Variants in CCDC191 observed in about 807,000 individuals in gnomAD.
CCDC191 encodes coiled-coil domain containing 191, also known as coiled-coil domain-containing protein 191.
A neutral mutation model predicts 114.0 loss-of-function variants in CCDC191; 99 were observed. The observed-to-expected ratio is 0.87, with a 90% CI of 0.74 to 1.03. CCDC191 has a LOEUF of 1.03. CCDC191 is among the 50% of genes least tolerant of loss of function. The pLI is 0.00. For missense variants in CCDC191, 973 were observed against 1,087.0 expected (o/e 0.90, Z 1.47); for synonymous variants, 351 against 376.0 (o/e 0.93, Z 0.77).
chr3:114,002,288 A>G (rs960528175), intron 12 of CCDC191, among the ~76,000 whole-genome samples, 168 bp downstream of exon 12: 10 of 152,056 alleles, frequency 6.6e-5, no homozygotes, highest in African/African-American at 2.4e-4. Context: ...TGTCCCCCTT[A>G]TTTTCCTAAA....
chr3:114,006,057 ACAAC>A, intron 9 of CCDC191, 95 bp from the exon 10 acceptor site: 4 of 1,111,880 alleles, frequency 3.6e-6, no homozygotes, highest in Non-Finnish European at 5.4e-6. Context: ...GTTTAATGGC[ACAAC>A]TGCCATGTAT....
chr3:114,011,002 C>T lies in CCDC191; in HGVS notation c.1183G>A (p.Glu395Lys), dbSNP rs773831557. 1 of 1,612,556 alleles carries T rather than the reference C, an allele frequency of 6.2e-7. No homozygotes were observed. The highest frequency in any genetic ancestry group is 8.5e-7 in the Non-Finnish European group (1 of 1,179,094). ...EENRKQQLATEYNRKQVLRHC... is the reference protein window; with the variant it reads ...EENRKQQLATKYNRKQVLRHC... ...CGGAGAACTTGTTTCCGGTTATACT[C>T]AGTGGCCAGTTGTTGTTTTCTAAGC... is the stretch of plus-strand genomic sequence containing the variant. The change falls in exon 9 of 17, where the codon GAG (glutamate) becomes AAG (lysine). Residue 395 changes from glutamate (E) to lysine (K), a missense_variant. Physicochemically the swap from Glu to Lys is moderately conservative, Grantham distance 56. Coordinates refer to ENST00000295878, the MANE Select transcript of CCDC191 (RefSeq NM_020817.2).
intron 4 of CCDC191, chr3:114,037,146 A>C (rs574532743): frequency 2.6e-5 from 4 of 153,692 alleles, no homozygotes; most frequent in African/African-American, 9.6e-5. Context: ...TTGTGGTATA[A>C]TTGACATATA....
At chr3:113,968,619 G>A (rs903565057) in intron 16 of CCDC191, among the ~76,000 whole-genome samples, 1 of 145,324 alleles carries the variant, frequency 6.9e-6, no homozygotes, top group Non-Finnish European at 1.5e-5. Flanking sequence ...CTGGCTAATA[G>A]TTTTTTGTTT....
At chr3:114,002,687 T>A in intron 11 of CCDC191, 149 bp from the exon 12 acceptor site, 1 of 1,276,976 alleles carries the variant, frequency 7.8e-7, no homozygotes, top group Non-Finnish European at 1.0e-6. Flanking sequence ...AGAAAATATA[T>A]AGAGATAAAC....
At chr3:114,036,198 A>T (rs1318443952) in intron 5 of CCDC191, among the ~76,000 whole-genome samples, 1 of 152,180 alleles carries the variant, frequency 6.6e-6, no homozygotes, top group Non-Finnish European at 1.5e-5. Flanking sequence ...TTATAATAAA[A>T]AAATGAGTGA....
At chr3:114,001,435 A>G (rs374852533) in intron 13 of CCDC191, among the ~76,000 whole-genome samples, 160 bp downstream of exon 13, 6 of 152,342 alleles carry the variant, frequency 3.9e-5, no homozygotes, top group African/African-American at 1.4e-4. Flanking sequence ...TGAAATCTGA[A>G]GAATGAGTAG....
intron 13 of CCDC191, among the ~76,000 whole-genome samples, chr3:113,982,808 A>G (rs2075207169): frequency 6.6e-6 from 1 of 151,400 alleles, no homozygotes; most frequent in South Asian, 2.1e-4. Context: ...GATTATTCCT[A>G]TCAGTATGCA....
intron 3 of CCDC191, among the ~76,000 whole-genome samples, chr3:114,046,237 C>T (rs2076627725): frequency 6.6e-6 from 1 of 152,196 alleles, no homozygotes; most frequent in Admixed American, 6.5e-5. Flanking sequence ...TTTAGGGTCT[C>T]TTTATCAGGA....
At chr3:113,978,063 G>T in intron 16 of CCDC191, 123 bp downstream of exon 16, 1 of 1,050,110 alleles carries the variant, frequency 9.5e-7, no homozygotes, top group Non-Finnish European at 1.4e-6. Context: ...TCCCACCCCT[G>T]ACTGGTGTTT....
At chr3:114,011,578 C>T (rs1340863173) in intron 8 of CCDC191, among the ~76,000 whole-genome samples, 1 of 152,196 alleles carries the variant, frequency 6.6e-6, no homozygotes, top group Admixed American at 6.5e-5. Context: ...GAGAAGGACT[C>T]ATTTACCAAA....
intron 13 of CCDC191, among the ~76,000 whole-genome samples, chr3:113,985,908 T>C (rs1395753569): frequency 1.3e-5 from 2 of 152,158 alleles, no homozygotes; most frequent in Non-Finnish European, 2.9e-5. Flanking sequence ...ACAACAGGTC[T>C]GGCCTTCAAC....
rs370040525 is a variant in CCDC191 at position 114,028,396 on chromosome 3, C to T, written c.972+3230G>A. Among the ~76,000 whole-genome samples the T allele has an allele frequency of 5.5e-3, 839 of 151,522 alleles. 11 individuals are homozygous for T. Among genetic ancestry groups the T allele is most frequent in the East Asian group, 0.016 (82 of 5,108 alleles). On this transcript the variant is annotated intron_variant, in intron 7 of 16. Coordinates refer to ENST00000295878, the MANE Select transcript of CCDC191 (RefSeq NM_020817.2). Reference sequence around the variant, plus strand: ...TGCCTCCTGGGTTCACGCCATTCTCCTGCCTCAGCCTCCCGAGTAGCTGGG... The same window carrying T: ...TGCCTCCTGGGTTCACGCCATTCTCTTGCCTCAGCCTCCCGAGTAGCTGGG...
chr3:114,053,635 G>T lies in CCDC191; in HGVS notation c.91C>A (p.Pro31Thr). 6.3e-7 allele frequency: 1 copy of T among 1,582,978 alleles called. No homozygotes were observed. Among genetic ancestry groups the T allele is most frequent in the African/African-American group, 1.3e-5 (1 of 74,084 alleles). ...TCCACACTGTCAGGACCAAAAGTAG[G>T]CTGTAGATAACATATATATGATATC... Reference protein sequence around the residue: ...KRFTRKPSPKPTFGPDSVEHW... With the variant: ...KRFTRKPSPKTTFGPDSVEHW... Residue 31 changes from proline to threonine, a missense_variant and splice_region_variant, in exon 2 of 17, where the codon CCT becomes ACT. Physicochemically the swap from Pro to Thr is conservative, Grantham distance 38 (BLOSUM62 -1). Coordinates refer to ENST00000295878, the MANE Select transcript of CCDC191 (RefSeq NM_020817.2).
At chr3:113,971,069 G>T (rs1488120592) in intron 16 of CCDC191, among the ~76,000 whole-genome samples, 11 of 152,096 alleles carry the variant, frequency 7.2e-5, no homozygotes, top group Middle Eastern at 3.2e-3. Flanking sequence ...ATAATCCTTT[G>T]GGTATATACC....
At chr3:114,053,666 G>A (rs757799779) in intron 1 of CCDC191, 31 bp from the exon 2 acceptor site, 20 of 1,491,760 alleles carry the variant, frequency 1.3e-5, no homozygotes, top group East Asian at 4.6e-5. Context: ...ATATCAATAC[G>A]CAGCAATATC....
chr3:114,045,367 AATTT>A (rs1393711987), intron 3 of CCDC191, among the ~76,000 whole-genome samples: 1 of 151,688 alleles, frequency 6.6e-6, no homozygotes, highest in Non-Finnish European at 1.5e-5. Context: ...TCCTATATTT[AATTT>A]ATTATTTGTT....
chr3:114,040,325 T>A (rs761723703), intron 4 of CCDC191, among the ~76,000 whole-genome samples: 1 of 152,186 alleles, frequency 6.6e-6, no homozygotes. Context: ...GCAGGACTTA[T>A]CCTCTTCATT....
intron 16 of CCDC191, among the ~76,000 whole-genome samples, chr3:113,977,605 T>A (rs2074974022): frequency 6.6e-6 from 1 of 152,204 alleles, no homozygotes. Context: ...AACTATAGCA[T>A]TGAAGGCTGC....
Sources: allele counts gnomAD v4.1 joint callset (sites outside exome capture counted in the v4.1 genomes callset), GRCh38; gene constraint gnomAD v4.1.1; transcripts MANE v1.5; gene names NCBI Gene and HGNC (gene_info 2026-07-23, HGNC 2026-07-21).